LRCH1: variants seen among roughly 807,000 people sequenced by gnomAD.
The protein encoded by LRCH1 is leucine-rich repeat and calponin homology domain-containing protein 1.
Under a neutral mutation model 94.9 loss-of-function variants are expected in LRCH1, and 23 were observed. That is an observed-to-expected ratio of 0.24 (90% CI 0.17 to 0.34). The LOEUF (loss-of-function observed/expected upper bound fraction) is 0.34, where lower values mean the gene tolerates loss of function less well. LRCH1 is among the 10% of genes least tolerant of loss of function. The probability of loss-of-function intolerance (pLI) is 1.00; values close to 1 mark genes in which losing one functional copy is unlikely to be tolerated. For synonymous variants in LRCH1, 364 were observed against 354.9 expected, an observed-to-expected ratio of 1.03 and a Z score of -0.29; for missense variants, 790 against 945.9, an observed-to-expected ratio of 0.84 and a Z score of 2.16.
rs375044074 is a variant in LRCH1, at chr13:46,625,144, C to T, written c.308-25057C>T. Among the ~76,000 whole-genome samples the T allele has an allele frequency of 3.2e-3, 482 of 152,360 alleles. 3 individuals are homozygous for T. Among genetic ancestry groups the T allele is most frequent in the South Asian group, 0.02 (95 of 4,830 alleles). The stretch of plus-strand genomic sequence containing the variant: ...CCTCTCTTGCCCAAGTGCCTAGTGG[C>T]GCCCTGTTGGCACGTTGAGGGGTAG... On this transcript the variant is annotated intron_variant, in intron 1 of 19. Coordinates refer to ENST00000389797, the MANE Select transcript of LRCH1 (RefSeq NM_001164211.2).
At chr13:46,625,632 G>GTTTTTTTT (rs3040224) in intron 1 of LRCH1, among the ~76,000 whole-genome samples, 1 of 127,202 alleles carries the variant, frequency 7.9e-6, no homozygotes, top group Non-Finnish European at 1.6e-5. Flanking sequence ...AATGTGTGGG[G>GTTTTTTTT]TTTTTTTTTT....
intron 13 of LRCH1, among the ~76,000 whole-genome samples, chr13:46,706,463 A>G (rs1467909232): frequency 6.6e-6 from 1 of 152,224 alleles, no homozygotes; most frequent in Non-Finnish European, 1.5e-5. Context: ...ATAGTGGGAC[A>G]TTGGAAGTCT....
intron 9 of LRCH1, among the ~76,000 whole-genome samples, chr13:46,697,767 A>T (rs1168715922): frequency 6.6e-6 from 1 of 152,202 alleles, no homozygotes; most frequent in African/African-American, 2.4e-5. Context: ...CTAAAAATAC[A>T]TGTTGGTGAA....
intron 1 of LRCH1, among the ~76,000 whole-genome samples, chr13:46,639,896 C>CA (rs1377525112): frequency 6.6e-6 from 1 of 152,222 alleles, no homozygotes; most frequent in African/African-American, 2.4e-5. Context: ...TTTCTGCACT[C>CA]AGAGAGTATC....
At chr13:46,556,182 TCA>T (rs66648302) in intron 1 of LRCH1, among the ~76,000 whole-genome samples, 18,041 of 152,238 alleles carry the variant, frequency 0.12, 1,272 homozygotes, top group African/African-American at 0.2. Context: ...AAGCTTTTTC[TCA>T]CAGTTTTGTT....
At chr13:46,705,013 T>C in intron 11 of LRCH1, 55 bp from the exon 12 acceptor site, 6 of 938,696 alleles carry the variant, frequency 6.4e-6, no homozygotes, top group Non-Finnish European at 9.9e-6. Flanking sequence ...CAATAGAATT[T>C]ATTAAAAATA....
Sources: allele counts gnomAD v4.1 joint callset (sites outside exome capture counted in the v4.1 genomes callset), GRCh38; gene constraint gnomAD v4.1.1; transcripts MANE v1.5; gene names NCBI Gene and HGNC (gene_info 2026-07-23, HGNC 2026-07-21).